The following HERC3 variants were observed in gnomAD, a reference collection of about 807,000 sequenced individuals.
HERC3 encodes probable E3 ubiquitin-protein ligase HERC3.
In HERC3, 58 loss-of-function variants were observed where a neutral mutation model predicts 129.9. The observed-to-expected ratio is 0.45, with a 90% CI of 0.36 to 0.56. The LOEUF (loss-of-function observed/expected upper bound fraction) is 0.56. HERC3 is among the 20% of genes least tolerant of loss of function. The pLI is 0.00. For missense variants in HERC3, 835 were observed against 1,244.2 expected (o/e 0.67, Z 4.95); for synonymous variants, 430 against 451.0 (o/e 0.95, Z 0.59).
chr4:88,581,313 T>A, the HERC3 span, among the ~76,000 whole-genome samples: 11 of 151,570 alleles, frequency 7.3e-5, no homozygotes, highest in African/African-American at 1.2e-4. Context: ...TATTATTTTT[T>A]TTTTGAGACG....
At chr4:88,540,860 G>T in the HERC3 span, among the ~76,000 whole-genome samples, 2 of 152,130 alleles carry the variant, frequency 1.3e-5, no homozygotes, top group Non-Finnish European at 2.9e-5. Flanking sequence ...AAGTGAAGGA[G>T]AAATAAAATA....
At chr4:88,690,502 A>G in intron 23 of HERC3, 2 of 985,454 alleles carry the variant, frequency 2.0e-6, no homozygotes, top group Non-Finnish European at 1.2e-6. Context: ...TTAGAAGCTA[A>G]CAATGGGATA....
intron 14 of HERC3, chr4:88,668,411 A>G (rs1731263768): frequency 7.5e-6 from 2 of 267,490 alleles, no homozygotes; most frequent in African/African-American, 2.3e-5. Context: ...TCTTTCTCCT[A>G]TGTCTAATTT....
chr4:88,687,527 G>GCAGTCAAAGCCAAAA (rs1335289130), intron 23 of HERC3, among the ~76,000 whole-genome samples: 2 of 152,258 alleles, frequency 1.3e-5, no homozygotes, highest in East Asian at 3.9e-4. Flanking sequence ...GCATCTTTTT[G>GCAGTCAAAGCCAAAA]GCTTTGACTC....
At chr4:88,658,552 T>A in intron 10 of HERC3, 61 bp downstream of exon 10, 1 of 842,628 alleles carries the variant, frequency 1.2e-6, no homozygotes, top group Non-Finnish European at 2.0e-6. Flanking sequence ...AACATTTCTT[T>A]TAACAAGTAA....
the HERC3 span, among the ~76,000 whole-genome samples, chr4:88,580,039 T>G: frequency 6.6e-6 from 1 of 152,152 alleles, no homozygotes; most frequent in Non-Finnish European, 1.5e-5. Flanking sequence ...AATAATAAAT[T>G]TTGTGTTGTT....
At chr4:88,668,595 T>G (rs544659960) in intron 14 of HERC3, 1 of 154,940 alleles carries the variant, frequency 6.5e-6, no homozygotes, top group African/African-American at 2.4e-5. Flanking sequence ...ATAAAAACCT[T>G]CCATTCCTCA....
At chr4:88,687,365 A>G in intron 23 of HERC3, 66 bp downstream of exon 23, 1 of 1,072,014 alleles carries the variant, frequency 9.3e-7, no homozygotes, top group Non-Finnish European at 1.4e-6. Flanking sequence ...TACATTTAAG[A>G]CCAAAATAAA....
chr4:88,589,612 G>A (rs547017499), upstream of HERC3, among the ~76,000 whole-genome samples: 20 of 152,280 alleles, frequency 1.3e-4, no homozygotes, highest in Admixed American at 1.0e-3. Context: ...GAAAGAAATG[G>A]ATGGAAGACA....
chr4:88,680,808 G>A (rs1207595195), intron 20 of HERC3: 4 of 153,222 alleles, frequency 2.6e-5, no homozygotes, highest in Non-Finnish European at 4.3e-5. Context: ...TTGCTCCATA[G>A]TACTAGCCAC....
chr4:88,645,884 G>A (rs1578233242), intron 3 of HERC3, among the ~76,000 whole-genome samples: 1 of 152,296 alleles, frequency 6.6e-6, no homozygotes, highest in East Asian at 1.9e-4. Context: ...CCCAGATGCT[G>A]ATATTATTTA....
At chr4:88,636,562 C>T (rs1187864769) in intron 3 of HERC3, among the ~76,000 whole-genome samples, 1 of 152,100 alleles carries the variant, frequency 6.6e-6, no homozygotes, top group African/African-American at 2.4e-5. Flanking sequence ...ATTTAACACC[C>T]TACTGTCAAT....
chr4:88,582,945 G>C, the HERC3 span, among the ~76,000 whole-genome samples: 1 of 151,628 alleles, frequency 6.6e-6, no homozygotes, highest in Non-Finnish European at 1.5e-5. Context: ...CTGGCTCTTC[G>C]AGTCTCATAT....
At chr4:88,697,213 T>G in intron 23 of HERC3, 1 of 1,517,576 alleles carries the variant, frequency 6.6e-7, no homozygotes, top group Non-Finnish European at 8.8e-7. Context: ...CCCTTACTTC[T>G]TGGCGTCATC....
chr4:88,548,538 C>A, the HERC3 span, among the ~76,000 whole-genome samples: 4 of 151,938 alleles, frequency 2.6e-5, no homozygotes, highest in East Asian at 5.8e-4. Context: ...GCACGTTTTT[C>A]AATTGGGTTG....
chr4:88,552,988 G>A, the HERC3 span, among the ~76,000 whole-genome samples: 1 of 152,144 alleles, frequency 6.6e-6, no homozygotes, highest in Non-Finnish European at 1.5e-5. Flanking sequence ...TACCCTCTAA[G>A]GCCAGATTCA....
the HERC3 span, among the ~76,000 whole-genome samples, chr4:88,571,149 A>G: frequency 1.3e-5 from 2 of 151,528 alleles, no homozygotes; most frequent in African/African-American, 4.9e-5. Flanking sequence ...GTGCACTACA[A>G]CTCTGAGCTT....
the HERC3 span, among the ~76,000 whole-genome samples, chr4:88,537,346 G>A: frequency 6.6e-6 from 1 of 152,104 alleles, no homozygotes; most frequent in East Asian, 1.9e-4. Context: ...ATGTTTTGAG[G>A]CATTATGGGA....
At chr4:88,656,085 A>G (rs763905360) in intron 9 of HERC3, 50 bp downstream of exon 9, 1 of 1,570,014 alleles carries the variant, frequency 6.4e-7, no homozygotes, top group Non-Finnish European at 8.7e-7. Flanking sequence ...TGATGAAAAC[A>G]GTTGTTTACA....
Sources: allele counts gnomAD v4.1 joint callset (sites outside exome capture counted in the v4.1 genomes callset), GRCh38; gene constraint gnomAD v4.1.1; transcripts MANE v1.5; gene names NCBI Gene and HGNC (gene_info 2026-07-23, HGNC 2026-07-21).